The following PCDHA4 variants were observed in gnomAD, a reference collection of about 807,000 sequenced individuals.
PCDHA4 encodes the protein protocadherin alpha 4, also known as protocadherin alpha-4.
A neutral mutation model predicts 61.4 loss-of-function variants in PCDHA4; 49 were observed. The ratio of observed to expected loss-of-function variants is 0.80; its 90% CI spans 0.63 to 1.01. PCDHA4 has a LOEUF of 1.01. Among genes scored for constraint, PCDHA4 ranks in the 50% least tolerant of loss-of-function variants. PCDHA4 has a pLI of 0.00. For synonymous variants in PCDHA4, 590 were observed against 550.3 expected, an observed-to-expected ratio of 1.07 and a Z score of -1.01; for missense variants, 1,254 against 1,235.8, an observed-to-expected ratio of 1.01 and a Z score of -0.22.
At chr5:140,858,685 T>C in intron 1 of PCDHA4, 1 of 595,990 alleles carries the variant, frequency 1.7e-6, no homozygotes, top group Non-Finnish European at 2.8e-6. Flanking sequence ...AATACACTAA[T>C]ATTTTCCAAT....
At chr5:140,927,153 C>T in intron 1 of PCDHA4, 1 of 1,614,190 alleles carries the variant, frequency 6.2e-7, no homozygotes, top group Non-Finnish European at 8.5e-7. Context: ...AACAGCTGTG[C>T]AGGGCCAAAG....
At chr5:140,821,862 G>C (rs1489076733) in intron 1 of PCDHA4, 4 of 1,614,100 alleles carry the variant, frequency 2.5e-6, no homozygotes, top group Non-Finnish European at 3.4e-6. Context: ...GGAGCGGCCA[G>C]CTCCACTACT....
chr5:140,966,917 G>T, intron 1 of PCDHA4: 1 of 1,602,580 alleles, frequency 6.2e-7, no homozygotes, highest in Non-Finnish European at 8.5e-7. Context: ...TGTGCCAGAG[G>T]AGCAGGCACC....
At chr5:140,928,739 G>A in intron 1 of PCDHA4, 1 of 1,614,148 alleles carries the variant, frequency 6.2e-7, no homozygotes, top group African/African-American at 1.3e-5. Flanking sequence ...GCCAATATAG[G>A]TGAGCTCCGT....
chr5:140,869,977 T>C (rs2051552630), intron 1 of PCDHA4: 1 of 1,613,234 alleles, frequency 6.2e-7, no homozygotes, highest in Non-Finnish European at 8.5e-7. Flanking sequence ...AAGACACTTA[T>C]TTACACTAGA....
chr5:141,003,457 G>A (rs769049189), intron 3 of PCDHA4, among the ~76,000 whole-genome samples: 1 of 152,136 alleles, frequency 6.6e-6, no homozygotes, highest in Non-Finnish European at 1.5e-5. Flanking sequence ...AATTACAGGC[G>A]TGCACCACCA....
At chr5:140,833,468 A>G (rs1554133857) in intron 1 of PCDHA4, among the ~76,000 whole-genome samples, 1 of 152,220 alleles carries the variant, frequency 6.6e-6, no homozygotes, top group African/African-American at 2.4e-5. Context: ...CTTACATTTT[A>G]AAAGAAATAA....
intron 1 of PCDHA4, chr5:140,823,452 C>T (rs2150125920): frequency 1.2e-6 from 2 of 1,613,440 alleles, no homozygotes; most frequent in Middle Eastern, 1.7e-4. Context: ...ACGAGAACGA[C>T]AACGCGCCGG....
chr5:140,972,958 G>C (rs918792607), intron 1 of PCDHA4, among the ~76,000 whole-genome samples: 1 of 152,038 alleles, frequency 6.6e-6, no homozygotes, highest in African/African-American at 2.4e-5. Context: ...CACCATGCCC[G>C]GCAAAGGAAA....
At chr5:140,938,878 C>T (rs1324581693) in intron 1 of PCDHA4, among the ~76,000 whole-genome samples, 3 of 151,098 alleles carry the variant, frequency 2.0e-5, no homozygotes, top group Admixed American at 1.3e-4. Context: ...TAAGAAGCAA[C>T]ACACACACAC....
At chr5:140,834,741 G>A (rs1773242914) in intron 1 of PCDHA4, 7 of 1,614,122 alleles carry the variant, frequency 4.3e-6, no homozygotes. Context: ...TTTCCATGTG[G>A]ACGTGGAGGT....
At chr5:140,897,841 C>G (rs1272606504) in intron 1 of PCDHA4, among the ~76,000 whole-genome samples, 2 of 152,282 alleles carry the variant, frequency 1.3e-5, no homozygotes, top group South Asian at 2.1e-4. Flanking sequence ...CACATCCTCT[C>G]CAGCACCTGT....
intron 1 of PCDHA4, among the ~76,000 whole-genome samples, chr5:140,837,511 G>C: frequency 1.0e-5 from 1 of 96,668 alleles, no homozygotes; most frequent in Non-Finnish European, 2.1e-5. Context: ...TTCTGAAGCA[G>C]TTTACTTTTT....
intron 3 of PCDHA4, among the ~76,000 whole-genome samples, chr5:140,991,152 C>T (rs533894396): frequency 4.1e-4 from 63 of 152,168 alleles, no homozygotes; most frequent in South Asian, 1.0e-3. Flanking sequence ...TTTTGCTCAC[C>T]ATTGTATTCC....
intron 1 of PCDHA4, chr5:140,855,842 A>G (rs1384044109): frequency 2.0e-5 from 13 of 639,106 alleles, no homozygotes; most frequent in Non-Finnish European, 3.4e-5. Flanking sequence ...ACTTACACCT[A>G]AAGCCACCGG....
At chr5:140,871,427 T>G (rs782140666) in intron 1 of PCDHA4, 3 of 1,613,326 alleles carry the variant, frequency 1.9e-6, no homozygotes, top group Non-Finnish European at 2.5e-6. Context: ...AGCCCCAGTC[T>G]TCCTCTAGGT....
chr5:140,862,831 G>A (rs782083560), intron 1 of PCDHA4: 2 of 572,766 alleles, frequency 3.5e-6, no homozygotes, highest in Admixed American at 1.9e-5. Context: ...AGCGCGCGAC[G>A]CGGGCATGCC....
chr5:140,884,012 C>T, intron 1 of PCDHA4: 1 of 1,613,134 alleles, frequency 6.2e-7, no homozygotes, highest in Non-Finnish European at 8.5e-7. Context: ...CGAGCTGATG[C>T]CGCGGTCGGT....
intron 1 of PCDHA4, chr5:140,856,129 C>T: frequency 6.3e-7 from 1 of 1,598,096 alleles, no homozygotes; most frequent in Non-Finnish European, 8.6e-7. Flanking sequence ...AGGTGGGGAG[C>T]GGCCAGCTCC....
Sources: allele counts gnomAD v4.1 joint callset (sites outside exome capture counted in the v4.1 genomes callset), GRCh38; gene constraint gnomAD v4.1.1; transcripts MANE v1.5; gene names NCBI Gene and HGNC (gene_info 2026-07-23, HGNC 2026-07-21).